The following ALPK2 variants were observed in gnomAD, a reference collection of about 807,000 sequenced individuals.
The protein encoded by ALPK2 is alpha-protein kinase 2.
ALPK2 carries 127 observed loss-of-function variants against 163.1 expected under a neutral mutation model. The observed-to-expected ratio is 0.78, with a 90% confidence interval of 0.67 to 0.90. The LOEUF is 0.90. Ranked by LOEUF, ALPK2 falls within the 40% of genes least tolerant of loss-of-function variation. ALPK2 has a pLI of 0.00. For synonymous variants in ALPK2, 953 were observed against 959.1 expected (o/e 0.99, Z 0.12); for missense variants, 2,360 against 2,589.6 (o/e 0.91, Z 1.92).
intron 8 of ALPK2, among the ~76,000 whole-genome samples, chr18:58,520,228 G>C (rs1303005952): frequency 6.6e-6 from 1 of 151,864 alleles, no homozygotes; most frequent in African/African-American, 2.4e-5. Flanking sequence ...AGGAGTTCCC[G>C]ACCAGCCTGG....
chr18:58,487,515 C>A (rs980067277), intron 12 of ALPK2, among the ~76,000 whole-genome samples: 1 of 152,080 alleles, frequency 6.6e-6, no homozygotes, highest in Non-Finnish European at 1.5e-5. Flanking sequence ...TATGGCAGCC[C>A]TAGGAATCTA....
At position 58,523,962 on chromosome 18, in the gene ALPK2, T is replaced by C; in HGVS notation, c.5602A>G (p.Thr1868Ala). Residue 1868 changes from threonine (T) to alanine (A), a missense_variant, in exon 7 of 13, where the codon ACT (threonine) becomes GCT (alanine). Transcript: ENST00000361673. ...CCIKNSYGKV[T>A]AEFNLTAEVL... Reference sequence around the variant, plus strand: ...TCAGCTGTGAGGTTAAATTCAGCAGTCACTTTTCCGTAGCTGTTCTTGATG... The same window carrying C: ...TCAGCTGTGAGGTTAAATTCAGCAGCCACTTTTCCGTAGCTGTTCTTGATG... 6.2e-7 allele frequency: 1 copy of C among 1,614,196 alleles called. No homozygotes were observed.
chr18:58,483,980 T>C (rs1748713826), intron 12 of ALPK2, among the ~76,000 whole-genome samples: 2 of 152,154 alleles, frequency 1.3e-5, no homozygotes, highest in South Asian at 4.2e-4. Context: ...ACACACAGTC[T>C]GACATCTGTG....
At chr18:58,539,519 C>T (rs1327010421) in intron 4 of ALPK2, among the ~76,000 whole-genome samples, 1 of 152,168 alleles carries the variant, frequency 6.6e-6, no homozygotes, top group Non-Finnish European at 1.5e-5. Context: ...TATTTCAAAA[C>T]AAAGAAAACT....
rs1271318747 is a variant in ALPK2, at chr18:58,481,876, A to G, written c.6460T>C (p.Ser2154Pro). The change falls in exon 13 of 13, where the codon TCT becomes CCT. Residue 2154 changes from serine to proline, a missense_variant. Ser to Pro is a moderately conservative substitution (Grantham distance 74). Coordinates refer to ENST00000361673, the MANE Select transcript of ALPK2 (RefSeq NM_052947.4). ...GGCCCTGCCTTCTTTATTGTCATAG[A>G]GTTTGTTTGAACTTTGCTTTTCCCA... is the stretch of plus-strand genomic sequence containing the variant. The part of the protein sequence containing the change: ...SIGKSKVQTN[S>P]MTIKKAGPET... 2 of 1,613,738 alleles carry G rather than the reference A, an allele frequency of 1.2e-6. No homozygotes were observed. Among genetic ancestry groups the G allele is most frequent in the African/African-American group, 1.3e-5 (1 of 74,828 alleles).
chr18:58,548,118 T>C (rs2051728565), intron 4 of ALPK2, among the ~76,000 whole-genome samples: 1 of 152,164 alleles, frequency 6.6e-6, no homozygotes, highest in Non-Finnish European at 1.5e-5. Context: ...CAGTGTGGGC[T>C]TCAAAGTGTA....
chr18:58,585,680 C>CTTTTTTT (rs71173066), intron 3 of ALPK2, among the ~76,000 whole-genome samples: 5 of 77,636 alleles, frequency 6.4e-5, no homozygotes, highest in Admixed American at 1.6e-4. Context: ...TTCTATGTTG[C>CTTTTTTT]TTTTTTTTTT....
chr18:58,599,186 C>G (rs965005055), intron 3 of ALPK2, among the ~76,000 whole-genome samples: 5 of 152,148 alleles, frequency 3.3e-5, no homozygotes, highest in Admixed American at 6.5e-5. Context: ...AGACACTTAC[C>G]TACTAAAGTC....
intron 4 of ALPK2, among the ~76,000 whole-genome samples, chr18:58,563,155 AT>A (rs35002131): frequency 0.15 from 22,650 of 152,048 alleles, 1,924 homozygotes; most frequent in African/African-American, 0.22. Context: ...TATTGGCTCA[AT>A]TTTTTTTACA....
chr18:58,537,657 C>A lies in ALPK2; in HGVS notation c.2530G>T (p.Glu844Ter). The A allele has an allele frequency of 6.2e-7, 1 of 1,613,692 alleles. No homozygotes were observed. Among genetic ancestry groups the A allele is most frequent in the Admixed American group, 1.7e-5 (1 of 59,994 alleles). ...EICSVDTELA[E>*]GQNKVSDLCS... is the part of the protein sequence containing the mutation. ...AAATCAGATACTTTGTTTTGACCTT[C>A]TGCCAGTTCCGTATCTACAGAGCAA... Residue 844 changes from glutamate (E) to a stop codon, truncating the protein, a stop_gained, in exon 5 of 13, where the codon GAA becomes TAA. Coordinates refer to ENST00000361673, the MANE Select transcript of ALPK2 (RefSeq NM_052947.4). LOFTEE classifies it high-confidence loss of function.
At chr18:58,501,772 C>G (rs1409158195) in intron 11 of ALPK2, among the ~76,000 whole-genome samples, 1 of 152,040 alleles carries the variant, frequency 6.6e-6, no homozygotes, top group Non-Finnish European at 1.5e-5. Flanking sequence ...TCTATCTTCT[C>G]TGCAGGGTTA....
chr18:58,542,586 A>G (rs1244977492), intron 4 of ALPK2, among the ~76,000 whole-genome samples: 1 of 152,234 alleles, frequency 6.6e-6, no homozygotes, highest in Admixed American at 6.5e-5. Context: ...AGAGTGCTAT[A>G]AGGTATAAGG....
At chr18:58,544,385 A>G (rs1222651278) in intron 4 of ALPK2, 1 of 152,182 alleles carries the variant, frequency 6.6e-6, no homozygotes, top group Non-Finnish European at 1.5e-5. Context: ...AGGATGTTCA[A>G]GGTTATGCTT....
chr18:58,583,215 G>A (rs1038453096), intron 3 of ALPK2, among the ~76,000 whole-genome samples: 6 of 152,140 alleles, frequency 3.9e-5, no homozygotes, highest in African/African-American at 1.4e-4. Context: ...ACCAGAATCA[G>A]GTTGGAGTTG....
intron 1 of ALPK2, among the ~76,000 whole-genome samples, chr18:58,619,301 G>A (rs1192662672): frequency 6.6e-6 from 1 of 152,176 alleles, no homozygotes; most frequent in African/African-American, 2.4e-5. Context: ...TAATGACTTG[G>A]AAGCTTCAGT....
At chr18:58,617,708 T>C (rs917346491) in intron 1 of ALPK2, among the ~76,000 whole-genome samples, 1 of 152,212 alleles carries the variant, frequency 6.6e-6, no homozygotes, top group African/African-American at 2.4e-5. Flanking sequence ...GTTGTATGTA[T>C]GGCATGAATG....
In ALPK2 at chr18:58,481,746, C is replaced by A; in HGVS notation, c.*77G>T. 8.2e-7 allele frequency: 1 copy of A among 1,219,456 alleles called. No individual in the cohort carries two copies. The allele number at this position is 1,219,456 out of a possible 1,614,324, so 75.5% of individuals were successfully genotyped here. On this transcript the variant is annotated 3_prime_UTR_variant, in exon 13 of 13. Transcript: ENST00000361673. ...ACGCACTCTCTGCAGGCTGTATATT[C>A]TCTCCTGTGTGGCCTCAGATTTTCC...
intron 2 of ALPK2, 53 bp downstream of exon 2, chr18:58,611,636 C>T (rs1255363276): frequency 2.0e-6 from 3 of 1,492,954 alleles, no homozygotes; most frequent in Non-Finnish European, 2.8e-6. Flanking sequence ...AGCCAAGAAA[C>T]CTGGTATGCA....
At chr18:58,609,365 A>G (rs2052115935) in intron 2 of ALPK2, among the ~76,000 whole-genome samples, 1 of 152,260 alleles carries the variant, frequency 6.6e-6, no homozygotes, top group Non-Finnish European at 1.5e-5. Flanking sequence ...GTTTCTGATC[A>G]TAATTCATTT....
Sources: allele counts gnomAD v4.1 joint callset (sites outside exome capture counted in the v4.1 genomes callset), GRCh38; gene constraint gnomAD v4.1.1; transcripts MANE v1.5; gene names NCBI Gene and HGNC (gene_info 2026-07-23, HGNC 2026-07-21).